KAZN: variants seen among roughly 807,000 people sequenced by gnomAD.
KAZN encodes kazrin.
Under a neutral mutation model 87.4 loss-of-function variants are expected in KAZN, and 40 were observed. That is an observed-to-expected ratio of 0.46 (90% CI 0.36 to 0.60). KAZN has a LOEUF of 0.60. KAZN is among the 20% of genes least tolerant of loss of function. KAZN has a pLI of 0.00. For synonymous variants in KAZN, 466 were observed against 458.3 expected (o/e 1.02, Z -0.22); for missense variants, 898 against 1,073.9 (o/e 0.84, Z 2.29).
chr1:14,011,299 G>A (rs971566917), intron 1 of KAZN, among the ~76,000 whole-genome samples: 2 of 152,194 alleles, frequency 1.3e-5, no homozygotes, highest in African/African-American at 4.8e-5. Flanking sequence ...CCATGATCCA[G>A]CTCCAGGTCT....
chr1:14,734,648 C>T (rs542983650), intron 1 of KAZN, among the ~76,000 whole-genome samples: 9 of 152,268 alleles, frequency 5.9e-5, no homozygotes, highest in East Asian at 1.9e-4. Context: ...CCCTGTGATG[C>T]GGATGCTGCT....
chr1:14,556,735 T>C (rs1673905555), intron 2 of KAZN, among the ~76,000 whole-genome samples: 1 of 152,174 alleles, frequency 6.6e-6, no homozygotes, highest in Non-Finnish European at 1.5e-5. Flanking sequence ...ACCCCTCTGC[T>C]CTCTTCCTGA....
At chr1:14,994,895 G>C (rs1392805176) in intron 2 of KAZN, among the ~76,000 whole-genome samples, 1 of 152,250 alleles carries the variant, frequency 6.6e-6, no homozygotes, top group Non-Finnish European at 1.5e-5. Flanking sequence ...CAGCCCTGAA[G>C]TGACACCCTC....
At chr1:14,956,031 A>C (rs72871897) in intron 1 of KAZN, among the ~76,000 whole-genome samples, 12,388 of 152,224 alleles carry the variant, frequency 0.081, 1,445 homozygotes, top group African/African-American at 0.26. Context: ...CTGAAATTCA[A>C]ATCTAACTGT....
At chr1:14,508,481 T>A (rs1670728560) in intron 2 of KAZN, among the ~76,000 whole-genome samples, 1 of 152,166 alleles carries the variant, frequency 6.6e-6, no homozygotes, top group Admixed American at 6.5e-5. Flanking sequence ...TACGGATGAA[T>A]TTTAAGACCT....
rs971538750 is a variant in KAZN at position 15,117,392 on chromosome 1, G to A, written c.*2757G>A. 6.6e-6 allele frequency: 1 copy of A among 152,280 alleles called. No individual in the cohort carries two copies. The highest frequency in any genetic ancestry group is 1.5e-5 in the Non-Finnish European group (1 of 68,100). The allele number at this position is 152,280 out of a possible 1,614,324, so 9.4% of individuals were successfully genotyped here. ...AGACTCTCAGCTTTCTGACCCCCAG[G>A]AGCCTCTGCGAGGCCCCTTTGTCCT... is the stretch of plus-strand genomic sequence containing the variant. On this transcript the variant is annotated 3_prime_UTR_variant, in exon 15 of 15. Transcript: ENST00000376030.
chr1:14,046,121 TA>T (rs1448283991), intron 1 of KAZN, among the ~76,000 whole-genome samples: 2 of 152,182 alleles, frequency 1.3e-5, no homozygotes, highest in Non-Finnish European at 2.9e-5. Flanking sequence ...GGCAGTTTGA[TA>T]AAAAATTTAA....
chr1:13,923,592 AT>A (rs1402161917), intron 1 of KAZN, among the ~76,000 whole-genome samples: 3 of 131,528 alleles, frequency 2.3e-5, no homozygotes, highest in Non-Finnish European at 3.2e-5. Flanking sequence ...AAAAAAAAAA[AT>A]ATAATTACTG....
intron 1 of KAZN, among the ~76,000 whole-genome samples, chr1:14,006,161 T>C (rs1406490578): frequency 6.6e-6 from 1 of 152,224 alleles, no homozygotes; most frequent in Non-Finnish European, 1.5e-5. Context: ...TAATTTGTGG[T>C]CCCACTTCTT....
At chr1:14,645,911 G>A (rs955830579) in intron 1 of KAZN, among the ~76,000 whole-genome samples, 1 of 152,098 alleles carries the variant, frequency 6.6e-6, no homozygotes, top group African/African-American at 2.4e-5. Context: ...ATTATTTTGA[G>A]GTATGTTCAA....
intron 1 of KAZN, among the ~76,000 whole-genome samples, chr1:14,875,324 T>TC (rs749619619): frequency 2.0e-5 from 2 of 101,560 alleles, no homozygotes; most frequent in Non-Finnish European, 3.8e-5. Context: ...AGAGTGAAAC[T>TC]CTGTCTCAAA....
chr1:14,862,141 C>A (rs1228107114), intron 1 of KAZN, among the ~76,000 whole-genome samples: 1 of 152,152 alleles, frequency 6.6e-6, no homozygotes, highest in East Asian at 1.9e-4. Flanking sequence ...AAGAAACAGT[C>A]CCCCTCCTCT....
At chr1:14,525,009 T>A (rs566117912) in intron 2 of KAZN, among the ~76,000 whole-genome samples, 1 of 152,318 alleles carries the variant, frequency 6.6e-6, no homozygotes, top group African/African-American at 2.4e-5. Context: ...CCAAACCCCA[T>A]GTGGGGCAGG....
intron 2 of KAZN, among the ~76,000 whole-genome samples, chr1:14,210,687 A>G (rs1230518568): frequency 6.6e-6 from 1 of 152,188 alleles, no homozygotes; most frequent in East Asian, 1.9e-4. Flanking sequence ...TTAAAACTGA[A>G]GCATTTTTGA....
intron 2 of KAZN, among the ~76,000 whole-genome samples, chr1:14,500,009 T>C (rs1166570417): frequency 6.6e-6 from 1 of 152,218 alleles, no homozygotes; most frequent in Non-Finnish European, 1.5e-5. Context: ...AAAACGTGAA[T>C]AGAATAAGTG....
chr1:14,531,478 T>C (rs1422291682), intron 2 of KAZN, among the ~76,000 whole-genome samples: 1 of 152,018 alleles, frequency 6.6e-6, no homozygotes, highest in Non-Finnish European at 1.5e-5. Context: ...CAGGATCACG[T>C]TGTGGGGACC....
chr1:14,862,730 T>G (rs1449254670), intron 1 of KAZN, among the ~76,000 whole-genome samples: 1 of 152,116 alleles, frequency 6.6e-6, no homozygotes, highest in African/African-American at 2.4e-5. Context: ...CCGTGCTATG[T>G]GCTCATAATA....
At position 14,820,536 on chromosome 1, in the gene KAZN, G is replaced by A. The variant is rs553647814; in HGVS notation, c.227-140148G>A. Among the ~76,000 whole-genome samples, 3 of 152,360 alleles carry A rather than the reference G, an allele frequency of 2.0e-5. No individual in the cohort carries two copies. Among genetic ancestry groups the A allele is most frequent in the South Asian group, 2.1e-4 (1 of 4,828 alleles). On this transcript the variant is annotated intron_variant, in intron 1 of 14. Coordinates refer to ENST00000376030, the MANE Select transcript of KAZN (RefSeq NM_201628.3). The surrounding 1 kb of genome is among the most constrained non-coding windows in gnomAD (Gnocchi z 4.1). Reference sequence around the variant, plus strand: ...ACAGCTGCCTGAACGAAGCTGGAGCGTGCAGAACAAACTGCATGGAATGTC... The same window carrying A: ...ACAGCTGCCTGAACGAAGCTGGAGCATGCAGAACAAACTGCATGGAATGTC...
chr1:14,330,899 G>T (rs1352548033), intron 2 of KAZN, among the ~76,000 whole-genome samples: 1 of 152,204 alleles, frequency 6.6e-6, no homozygotes, highest in African/African-American at 2.4e-5. Context: ...ACCTATGGAA[G>T]AGTAATACTT....
Sources: allele counts gnomAD v4.1 joint callset (sites outside exome capture counted in the v4.1 genomes callset), GRCh38; gene constraint gnomAD v4.1.1; non-coding constraint Gnocchi (gnomAD v3.1); transcripts MANE v1.5; gene names NCBI Gene and HGNC (gene_info 2026-07-23, HGNC 2026-07-21).